The following ZNF385B variants were observed in gnomAD, a reference collection of about 807,000 sequenced individuals.
ZNF385B encodes the protein zinc finger protein 533.
ZNF385B carries 23 observed loss-of-function variants against 39.2 expected under a neutral mutation model. The ratio of observed to expected loss-of-function variants is 0.59; its 90% CI spans 0.42 to 0.83. ZNF385B has a LOEUF of 0.83. Among genes scored for constraint, ZNF385B ranks in the 40% least tolerant of loss-of-function variants. The probability of loss-of-function intolerance (pLI) is 0.00; values close to 1 mark genes in which losing one functional copy is unlikely to be tolerated. For synonymous variants in ZNF385B, 205 were observed against 222.6 expected, an observed-to-expected ratio of 0.92 and a Z score of 0.70; for missense variants, 552 against 598.9, an observed-to-expected ratio of 0.92 and a Z score of 0.82.
chr2:179,657,621 T>C (rs572350442), intron 3 of ZNF385B, among the ~76,000 whole-genome samples: 2 of 152,330 alleles, frequency 1.3e-5, no homozygotes, highest in South Asian at 2.1e-4. Context: ...TACTGGAACA[T>C]TGACGTAAAT....
intron 1 of ZNF385B, among the ~76,000 whole-genome samples, chr2:179,781,506 A>T (rs965065134): frequency 6.6e-6 from 1 of 152,188 alleles, no homozygotes; most frequent in Non-Finnish European, 1.5e-5. Context: ...TTCCAGAAGG[A>T]TTGCAAATCT....
chr2:179,620,904 T>C (rs1330079462), intron 3 of ZNF385B, among the ~76,000 whole-genome samples: 2 of 152,200 alleles, frequency 1.3e-5, no homozygotes, highest in African/African-American at 2.4e-5. Flanking sequence ...CTTAGTTGTA[T>C]ACATGTCTGG....
At chr2:179,502,270 TTTGGGAGACTG>T (rs2056834039) in intron 5 of ZNF385B, among the ~76,000 whole-genome samples, 1 of 152,200 alleles carries the variant, frequency 6.6e-6, no homozygotes, top group South Asian at 2.1e-4. Flanking sequence ...GAGTTAAGAC[TTTGGGAGACTG>T]TTGGGAAGGC....
At position 179,450,032 on chromosome 2, in the gene ZNF385B, GA is replaced by G. The variant is rs551251365; in HGVS notation, c.716-3263del. 5.5e-3 allele frequency among the ~76,000 whole-genome samples: 830 copies of G among 151,354 alleles called. 2 individuals carry two copies. The highest frequency in any genetic ancestry group is 7.9e-3 in the Non-Finnish European group (537 of 67,992). ...TTCCCTATTTAATAAATGGTGCTGGGAAAACTGGCTAGCCATATGTAGAAAG... is the reference window on the plus strand; with the variant it reads ...TTCCCTATTTAATAAATGGTGCTGGGAAACTGGCTAGCCATATGTAGAAAG... On this transcript the variant is annotated intron_variant, in intron 6 of 9. Coordinates refer to ENST00000410066, the MANE Select transcript of ZNF385B (RefSeq NM_152520.6).
chr2:179,654,968 C>T (rs1242013741), intron 3 of ZNF385B, among the ~76,000 whole-genome samples: 1 of 152,048 alleles, frequency 6.6e-6, no homozygotes, highest in Non-Finnish European at 1.5e-5. Flanking sequence ...AGAATCTGAG[C>T]CAATATATTT....
At chr2:179,666,951 G>T (rs1361054413) in intron 3 of ZNF385B, among the ~76,000 whole-genome samples, 3 of 152,060 alleles carry the variant, frequency 2.0e-5, no homozygotes, top group Middle Eastern at 3.4e-3. Flanking sequence ...GTTATTTTTT[G>T]AAGATTATCA....
At chr2:179,734,784 G>C (rs1292118482) in intron 3 of ZNF385B, among the ~76,000 whole-genome samples, 1 of 152,174 alleles carries the variant, frequency 6.6e-6, no homozygotes, top group Non-Finnish European at 1.5e-5. Context: ...TACTGCCTGA[G>C]TGTAAAAGTG....
intron 3 of ZNF385B, among the ~76,000 whole-genome samples, chr2:179,699,610 G>A (rs74461283): frequency 1.3e-5 from 2 of 152,250 alleles, no homozygotes; most frequent in African/African-American, 4.8e-5. Context: ...ATATGTAGGG[G>A]GTGTGGCTAT....
At chr2:179,516,701 G>GT (rs1265380752) in intron 5 of ZNF385B, among the ~76,000 whole-genome samples, 1 of 151,944 alleles carries the variant, frequency 6.6e-6, no homozygotes, top group Non-Finnish European at 1.5e-5. Flanking sequence ...TCTATAGCTT[G>GT]TTTTTTCATT....
At chr2:179,770,731 GAATAAGA>G (rs1703966115) in intron 1 of ZNF385B, 59 bp from the exon 2 acceptor site, 1 of 152,116 alleles carries the variant, frequency 6.6e-6, no homozygotes, top group Non-Finnish European at 1.5e-5. Context: ...GAATGAAATA[GAATAAGA>G]AATAATTTTT....
chr2:179,447,026 G>T (rs2049572533), intron 6 of ZNF385B, among the ~76,000 whole-genome samples: 2 of 152,026 alleles, frequency 1.3e-5, no homozygotes, highest in Admixed American at 1.3e-4. Flanking sequence ...GTTGGAGCAG[G>T]TAACTTTCTG....
chr2:179,707,209 C>T (rs367640178), intron 3 of ZNF385B, among the ~76,000 whole-genome samples: 35 of 152,270 alleles, frequency 2.3e-4, no homozygotes, highest in African/African-American at 6.3e-4. Flanking sequence ...AGTGGAGCTG[C>T]GAAATAGGTT....
intron 3 of ZNF385B, among the ~76,000 whole-genome samples, chr2:179,581,913 A>G (rs1262835964): frequency 6.6e-6 from 1 of 152,188 alleles, no homozygotes; most frequent in Non-Finnish European, 1.5e-5. Flanking sequence ...AAGCTGTAAT[A>G]CCATTTCTGA....
intron 5 of ZNF385B, among the ~76,000 whole-genome samples, chr2:179,517,881 C>T (rs1020469115): frequency 6.6e-6 from 1 of 152,064 alleles, no homozygotes; most frequent in African/African-American, 2.4e-5. Flanking sequence ...TTATGCTTGA[C>T]AGATAAAATA....
At chr2:179,450,395 C>T (rs2105577779) in intron 6 of ZNF385B, among the ~76,000 whole-genome samples, 1 of 152,226 alleles carries the variant, frequency 6.6e-6, no homozygotes, top group Non-Finnish European at 1.5e-5. Flanking sequence ...CGAACTCCAA[C>T]AAATTTACAA....
At chr2:179,651,931 C>T (rs1693227919) in intron 3 of ZNF385B, among the ~76,000 whole-genome samples, 1 of 152,060 alleles carries the variant, frequency 6.6e-6, no homozygotes. Context: ...CTCCAGAAAA[C>T]AACGGAACGG....
At chr2:179,536,527 C>T (rs188074614) in intron 4 of ZNF385B, 12 of 152,250 alleles carry the variant, frequency 7.9e-5, no homozygotes, top group Non-Finnish European at 1.8e-4. Context: ...TTCACAGGCT[C>T]CTGAAATTTT....
intron 6 of ZNF385B, among the ~76,000 whole-genome samples, chr2:179,469,152 T>G (rs150945765): frequency 6.5e-4 from 99 of 152,290 alleles, no homozygotes; most frequent in African/African-American, 2.2e-3. Flanking sequence ...TTCTTTTTGC[T>G]TCTTTCTTAA....
chr2:179,778,048 T>G lies in ZNF385B; in HGVS notation c.-154-7376A>C, dbSNP rs181765532. 3.7e-3 allele frequency among the ~76,000 whole-genome samples: 571 copies of G among 152,298 alleles called. 5 individuals are homozygous for G. Among genetic ancestry groups the G allele is most frequent in the African/African-American group, 0.013 (541 of 41,570 alleles). On this transcript the variant is annotated intron_variant, in intron 1 of 9. Coordinates refer to ENST00000410066, the MANE Select transcript of ZNF385B (RefSeq NM_152520.6). The stretch of plus-strand genomic sequence containing the variant: ...AGCCTCCCTGTCAAGAGGTTTTTTT[T>G]AATCATAGAATTGGGCTTTATTCTT...
Sources: gnomAD v4.1 joint callset for allele counts (sites outside exome capture counted in the v4.1 genomes callset) on GRCh38, gnomAD v4.1.1 for gene constraint, MANE v1.5 for transcripts, NCBI Gene and HGNC (gene_info 2026-07-23, HGNC 2026-07-21) for gene names.